Variants in TBX19 observed in about 807,000 individuals in gnomAD.
TBX19 encodes the protein T-box transcription factor 19.
A neutral mutation model predicts 40.9 loss-of-function variants in TBX19; 33 were observed. That is an observed-to-expected ratio of 0.81 (90% CI 0.61 to 1.08). The LOEUF is 1.08. Ranked by LOEUF, TBX19 falls within the 50% of genes least tolerant of loss-of-function variation. TBX19 has a pLI of 0.00. For synonymous variants in TBX19, 220 were observed against 225.0 expected (o/e 0.98, Z 0.20); for missense variants, 494 against 574.0 (o/e 0.86, Z 1.42).
chr1:168,283,311 A>G (rs1027349264), intron 1 of TBX19, among the ~76,000 whole-genome samples: 5 of 152,174 alleles, frequency 3.3e-5, no homozygotes, highest in African/African-American at 1.2e-4. Flanking sequence ...GTCTTCCTAT[A>G]GATGAAATCT....
intron 7 of TBX19, among the ~76,000 whole-genome samples, chr1:168,309,606 C>G (rs371716891): frequency 2.6e-5 from 4 of 152,128 alleles, no homozygotes; most frequent in African/African-American, 9.7e-5. Flanking sequence ...CCTGGCCTCA[C>G]GACCCTGGTA....
In TBX19 at chr1:168,312,992, T is replaced by C; in HGVS notation, c.1337T>C (p.Leu446Pro). 6.2e-7 allele frequency: 1 copy of C among 1,614,122 alleles called. No homozygotes were observed. Among genetic ancestry groups the C allele is most frequent in the Non-Finnish European group, 8.5e-7 (1 of 1,180,020 alleles). ...GGTGGGCACCATTCTCCTTCCTCACTGGATGGTTAAGCAGGATCCTAGGAG... is the reference window on the plus strand; with the variant it reads ...GGTGGGCACCATTCTCCTTCCTCACCGGATGGTTAAGCAGGATCCTAGGAG... ...GAGGHHSPSS[L>P]DG is the part of the protein sequence containing the mutation. Residue 446 changes from leucine (L) to proline (P), a missense_variant, in exon 8 of 8, where the codon CTG becomes CCG. Physicochemically the swap from Leu to Pro is moderately conservative, Grantham distance 98 (BLOSUM62 -3). Coordinates refer to ENST00000367821, the MANE Select transcript of TBX19 (RefSeq NM_005149.3).
intron 7 of TBX19, among the ~76,000 whole-genome samples, chr1:168,311,318 A>G (rs1381527319): frequency 2.0e-5 from 3 of 152,358 alleles, no homozygotes; most frequent in South Asian, 4.1e-4. Flanking sequence ...ACTGAAGCTC[A>G]GAGGCCTTAA....
intron 3 of TBX19, among the ~76,000 whole-genome samples, chr1:168,294,008 A>G (rs1649032560): frequency 6.6e-6 from 1 of 152,224 alleles, no homozygotes; most frequent in Non-Finnish European, 1.5e-5. Context: ...GTAAAGCTAT[A>G]CGGGTTTCTT....
intron 2 of TBX19, among the ~76,000 whole-genome samples, chr1:168,292,600 C>T (rs182121894): frequency 2.6e-5 from 4 of 152,144 alleles, no homozygotes; most frequent in South Asian, 2.1e-4. Flanking sequence ...CGCGGTGGCT[C>T]GCGCCTGTAA....
At chr1:168,304,719 A>G (rs1312572490) in intron 5 of TBX19, among the ~76,000 whole-genome samples, 1 of 152,184 alleles carries the variant, frequency 6.6e-6, no homozygotes, top group Non-Finnish European at 1.5e-5. Flanking sequence ...GGCAAGAGGG[A>G]GATTGGGTAG....
At chr1:168,293,485 T>A (rs192922885) in intron 3 of TBX19, among the ~76,000 whole-genome samples, 1 of 152,258 alleles carries the variant, frequency 6.6e-6, no homozygotes, top group East Asian at 1.9e-4. Flanking sequence ...CTCACCAGCA[T>A]GTGCTCTCCT....
At chr1:168,302,842 G>A (rs989561048) in intron 5 of TBX19, among the ~76,000 whole-genome samples, 1 of 151,900 alleles carries the variant, frequency 6.6e-6, no homozygotes, top group Non-Finnish European at 1.5e-5. Flanking sequence ...CTTCACACTC[G>A]GCAGAAATAG....
chr1:168,288,069 C>T (rs1648845671), intron 1 of TBX19, among the ~76,000 whole-genome samples: 1 of 152,102 alleles, frequency 6.6e-6, no homozygotes, highest in Admixed American at 6.5e-5. Flanking sequence ...GAGTAAAACT[C>T]AGTACAGCCA....
At chr1:168,299,670 T>C (rs548189181) in intron 4 of TBX19, among the ~76,000 whole-genome samples, 1 of 152,204 alleles carries the variant, frequency 6.6e-6, no homozygotes, top group African/African-American at 2.4e-5. Context: ...ACAGGGGCTC[T>C]CAGTATGTTG....
At chr1:168,295,897 C>T (rs978977718) in intron 3 of TBX19, among the ~76,000 whole-genome samples, 1 of 152,172 alleles carries the variant, frequency 6.6e-6, no homozygotes, top group African/African-American at 2.4e-5. Flanking sequence ...CTTGGTAAAC[C>T]CTCAGAAGCT....
intron 1 of TBX19, among the ~76,000 whole-genome samples, chr1:168,283,294 G>A (rs372488548): frequency 2.6e-5 from 4 of 152,282 alleles, no homozygotes; most frequent in African/African-American, 7.2e-5. Context: ...GTCCTGCTGT[G>A]TTTGCCGTCT....
At chr1:168,306,800 C>G (rs1649415643) in intron 6 of TBX19, among the ~76,000 whole-genome samples, 1 of 152,076 alleles carries the variant, frequency 6.6e-6, no homozygotes, top group Non-Finnish European at 1.5e-5. Flanking sequence ...AACAAGATCA[C>G]CAGGGGATTC....
At chr1:168,308,645 A>C in intron 6 of TBX19, 97 bp from the exon 7 acceptor site, 1 of 1,494,740 alleles carries the variant, frequency 6.7e-7, no homozygotes, top group Non-Finnish European at 9.3e-7. Context: ...CCTGTAGTGC[A>C]AGCCATGGTT....
Position 168,312,943 on chromosome 1 carries a change from G to A in TBX19, c.1288G>A (p.Ala430Thr), listed in dbSNP as rs749971480. ...GACAGCAGTGGCCTCGCATCCCTTC[G>A]CGGGCTGGGGTGGCCCAGGAGCGGG... ...TWTAVASHPFAGWGGPGAGGH... is the reference protein window; with the variant it reads ...TWTAVASHPFTGWGGPGAGGH... Residue 430 changes from alanine to threonine, a missense_variant, in exon 8 of 8, where the codon GCG becomes ACG. Physicochemically the swap from Ala to Thr is moderately conservative, Grantham distance 58. This residue lies in a region of TBX19 where 284 missense variants were observed against 307.3 expected (regional missense o/e 0.92). Coordinates refer to ENST00000367821, the MANE Select transcript of TBX19 (RefSeq NM_005149.3). The A allele has an allele frequency of 1.4e-5, 22 of 1,614,098 alleles. No individual in the cohort carries two copies. The highest frequency in any genetic ancestry group is 1.2e-4 in the African/African-American group (9 of 74,928).
In TBX19 at chr1:168,284,880, G is replaced by A. The variant is rs74123910; in HGVS notation, c.203+3587G>A. ...ATTTCTTGTCATCATAAAATAAGAG[G>A]TGGGAATTACTAAGTTTAAATTTGC... On this transcript the variant is annotated intron_variant, in intron 1 of 7. Coordinates refer to ENST00000367821, the MANE Select transcript of TBX19 (RefSeq NM_005149.3). Among the ~76,000 whole-genome samples, 1,157 of 151,936 alleles carry A rather than the reference G, an allele frequency of 7.6e-3. 17 individuals carry two copies. The highest frequency in any genetic ancestry group is 0.026 in the African/African-American group (1,084 of 41,400).
chr1:168,312,565 G>T, intron 7 of TBX19, 143 bp from the exon 8 acceptor site: 1 of 910,338 alleles, frequency 1.1e-6, no homozygotes, highest in Non-Finnish European at 1.7e-6. Context: ...GGACCAATCT[G>T]CGTCATAGCT....
At position 168,304,459 on chromosome 1, in the gene TBX19, A is replaced by G. The variant is rs553620383; in HGVS notation, c.728-549A>G. Among the ~76,000 whole-genome samples, 18 of 152,302 alleles carry G rather than the reference A, an allele frequency of 1.2e-4. No individual in the cohort carries two copies. In the South Asian group the frequency reaches 3.7e-3, roughly 32 times the overall value. On this transcript the variant is annotated intron_variant, in intron 5 of 7. Coordinates refer to ENST00000367821, the MANE Select transcript of TBX19 (RefSeq NM_005149.3). ...CCTGAAAAGATATCTCTAAAGGCCT[A>G]TCTTAGGTTCTACAATAGTGATGTT...
intron 2 of TBX19, among the ~76,000 whole-genome samples, chr1:168,292,821 G>C (rs571017179): frequency 7.4e-6 from 1 of 135,292 alleles, no homozygotes; most frequent in African/African-American, 2.9e-5. Flanking sequence ...CTGAGATAGC[G>C]CCACTGCACT....
Sources: gnomAD v4.1 joint callset for allele counts (sites outside exome capture counted in the v4.1 genomes callset) on GRCh38, gnomAD v4.1.1 for gene constraint, gnomAD v4.1.1 regional missense constraint, MANE v1.5 for transcripts, NCBI Gene and HGNC (gene_info 2026-07-23, HGNC 2026-07-21) for gene names.